CDH13: variants seen among roughly 807,000 people sequenced by gnomAD.
The protein encoded by CDH13 is cadherin-13.
In CDH13, 24 loss-of-function variants were observed where a neutral mutation model predicts 63.8. The ratio of observed to expected loss-of-function variants is 0.38; its 90% CI spans 0.27 to 0.53. The LOEUF (loss-of-function observed/expected upper bound fraction) is 0.53, where lower values mean the gene tolerates loss of function less well. Among genes scored for constraint, CDH13 ranks in the 20% least tolerant of loss-of-function variants. The pLI, the probability that CDH13 is intolerant of heterozygous loss-of-function variation, is 0.85. For synonymous variants in CDH13, 503 were observed against 355.3 expected (o/e 1.42, Z -4.67); for missense variants, 1,049 against 903.1 (o/e 1.16, Z -2.07).
At chr16:83,531,454 G>A (rs1281380093) in intron 7 of CDH13, among the ~76,000 whole-genome samples, 1 of 152,200 alleles carries the variant, frequency 6.6e-6, no homozygotes, top group Non-Finnish European at 1.5e-5. Flanking sequence ...ATTAAGTCAA[G>A]GATCTTGAGA....
intron 7 of CDH13, among the ~76,000 whole-genome samples, chr16:83,580,273 T>C (rs183848054): frequency 2.0e-5 from 3 of 152,198 alleles, no homozygotes; most frequent in African/African-American, 7.2e-5. Context: ...ACTGGGGCTA[T>C]TTTTTGTGGC....
intron 2 of CDH13, among the ~76,000 whole-genome samples, chr16:82,900,802 A>T (rs1597172501): frequency 6.6e-6 from 1 of 152,334 alleles, no homozygotes; most frequent in East Asian, 1.9e-4. Context: ...AGAATCAATC[A>T]CTTCCTTTCT....
At chr16:83,752,531 C>G (rs890636984) in intron 11 of CDH13, among the ~76,000 whole-genome samples, 2 of 152,228 alleles carry the variant, frequency 1.3e-5, no homozygotes, top group Admixed American at 6.5e-5. Context: ...CTGGTCTAAA[C>G]TTCCGCCATA....
At chr16:83,178,604 A>G (rs982990479) in intron 4 of CDH13, among the ~76,000 whole-genome samples, 4 of 152,238 alleles carry the variant, frequency 2.6e-5, no homozygotes, top group Non-Finnish European at 4.4e-5. Context: ...TTTAAAAATG[A>G]TCACTTTGTG....
At chr16:83,678,484 A>T in intron 10 of CDH13, 23 bp downstream of exon 10, 1 of 1,613,280 alleles carries the variant, frequency 6.2e-7, no homozygotes, top group Non-Finnish European at 8.5e-7. Flanking sequence ...CTCCGGAACC[A>T]CAGACGGGAG....
chr16:83,595,406 C>G (rs1042482335), intron 7 of CDH13, among the ~76,000 whole-genome samples: 4 of 152,178 alleles, frequency 2.6e-5, no homozygotes, highest in African/African-American at 4.8e-5. Flanking sequence ...GGTCCTTGCC[C>G]TTGAAAACTT....
At chr16:83,214,885 TA>T (rs2039450854) in intron 4 of CDH13, among the ~76,000 whole-genome samples, 1 of 151,970 alleles carries the variant, frequency 6.6e-6, no homozygotes, top group African/African-American at 2.4e-5. Context: ...TATAGCTGTC[TA>T]ATCCGTGGAG....
intron 6 of CDH13, among the ~76,000 whole-genome samples, chr16:83,348,311 G>A (rs748112952): frequency 3.9e-5 from 6 of 152,204 alleles, no homozygotes; most frequent in Non-Finnish European, 8.8e-5. Context: ...TCTATCAGAT[G>A]AACTGATTTA....
At chr16:83,566,402 C>A (rs1005962496) in intron 7 of CDH13, among the ~76,000 whole-genome samples, 1 of 152,144 alleles carries the variant, frequency 6.6e-6, no homozygotes, top group African/African-American at 2.4e-5. Flanking sequence ...TTATTCACTC[C>A]TGTCATAGGA....
intron 5 of CDH13, among the ~76,000 whole-genome samples, chr16:83,247,392 A>G (rs1905081760): frequency 6.6e-6 from 1 of 152,170 alleles, no homozygotes; most frequent in Non-Finnish European, 1.5e-5. Flanking sequence ...ATGACTTTGT[A>G]CGTGCTTCAG....
At chr16:83,100,667 T>C (rs2034431934) in intron 3 of CDH13, among the ~76,000 whole-genome samples, 1 of 152,232 alleles carries the variant, frequency 6.6e-6, no homozygotes, top group Non-Finnish European at 1.5e-5. Flanking sequence ...TCTTGCTGTA[T>C]CTAAAAAGCA....
intron 7 of CDH13, among the ~76,000 whole-genome samples, chr16:83,583,767 A>G (rs1476671859): frequency 6.6e-6 from 1 of 151,850 alleles, no homozygotes; most frequent in Non-Finnish European, 1.5e-5. Flanking sequence ...AAAGAAAAAA[A>G]AAAGCCGGGC....
At chr16:82,827,495 T>C (rs1459542898) in intron 1 of CDH13, among the ~76,000 whole-genome samples, 1 of 152,158 alleles carries the variant, frequency 6.6e-6, no homozygotes, top group African/African-American at 2.4e-5. Context: ...GATGTGAGTC[T>C]TGGGCTCTGT....
At chr16:83,538,168 C>G (rs2075230412) in intron 7 of CDH13, among the ~76,000 whole-genome samples, 1 of 152,192 alleles carries the variant, frequency 6.6e-6, no homozygotes, top group Admixed American at 6.5e-5. Context: ...CCGAGTGGCT[C>G]AGGAGAAAAT....
chr16:82,889,074 A>C (rs2040987628), intron 2 of CDH13, among the ~76,000 whole-genome samples: 1 of 152,216 alleles, frequency 6.6e-6, no homozygotes, highest in Non-Finnish European at 1.5e-5. Flanking sequence ...AGCCTTCTCT[A>C]ATGAATGAGA....
At chr16:83,064,299 G>A (rs971114988) in intron 3 of CDH13, among the ~76,000 whole-genome samples, 11 of 152,112 alleles carry the variant, frequency 7.2e-5, no homozygotes, top group African/African-American at 2.7e-4. Context: ...AACCCGGGAG[G>A]TGGAGGTCGC....
At chr16:83,444,318 C>T (rs1331096885) in intron 6 of CDH13, among the ~76,000 whole-genome samples, 1 of 152,118 alleles carries the variant, frequency 6.6e-6, no homozygotes, top group Non-Finnish European at 1.5e-5. Context: ...CCTGAGTGTT[C>T]ATTATCTTAT....
intron 2 of CDH13, among the ~76,000 whole-genome samples, chr16:82,957,679 T>C (rs1906329375): frequency 6.6e-6 from 1 of 152,234 alleles, no homozygotes. Context: ...TCACTTATTA[T>C]TGTGATATTT....
Position 82,644,221 on chromosome 16 carries a change from G to A in CDH13, c.45+17084G>A, listed in dbSNP as rs57925173. On this transcript the variant is annotated intron_variant, in intron 1 of 13. Transcript: ENST00000567109. This position sits in a 1 kb window ranked among gnomAD's most constrained non-coding sequence, Gnocchi z 5.7. ...GCTGGTGCGGCTGAAGAATTCAATA[G>A]CCTAGTAATGAGAAGTCAATCTAAG... is the stretch of plus-strand genomic sequence containing the variant. Among the ~76,000 whole-genome samples the A allele has an allele frequency of 3.8e-3, 571 of 152,252 alleles. 2 individuals are homozygous for A. Among genetic ancestry groups the A allele is most frequent in the African/African-American group, 0.013 (558 of 41,536 alleles).
Sources: gnomAD v4.1 joint callset for allele counts (sites outside exome capture counted in the v4.1 genomes callset) on GRCh38, gnomAD v4.1.1 for gene constraint, Gnocchi (gnomAD v3.1) non-coding constraint, MANE v1.5 for transcripts, NCBI Gene and HGNC (gene_info 2026-07-23, HGNC 2026-07-21) for gene names.